The following PKHD1L1 variants were observed in gnomAD, a reference collection of about 807,000 sequenced individuals.
PKHD1L1 encodes the protein PKHD1 like 1.
A neutral mutation model predicts 462.9 loss-of-function variants in PKHD1L1; 434 were observed. The observed-to-expected ratio is 0.94, with a 90% CI of 0.87 to 1.02. The LOEUF (loss-of-function observed/expected upper bound fraction) is 1.02. Ranked by LOEUF, PKHD1L1 falls within the 50% of genes least tolerant of loss-of-function variation. The pLI is 0.00. For synonymous variants in PKHD1L1, 1,781 were observed against 1,750.0 expected (o/e 1.02, Z -0.44); for missense variants, 5,202 against 5,096.1 (o/e 1.02, Z -0.63).
In PKHD1L1 at chr8:109,507,730, A is replaced by G; in HGVS notation, c.11062A>G (p.Ile3688Val). The change falls in exon 69 of 78, where the codon ATA (isoleucine) becomes GTA (valine). Residue 3688 changes from isoleucine (I) to valine (V), a missense_variant. Coordinates refer to ENST00000378402, the MANE Select transcript of PKHD1L1 (RefSeq NM_177531.6). ...CAAGAGGAAATCTTTTCTTAGAGAC[A>G]TAGATGGCTCCTTTCTGGGGAATGC... is the stretch of plus-strand genomic sequence containing the variant. ...DAKRKSFLRD[I>V]DGSFLGNAGS... The G allele has an allele frequency of 3.7e-6, 6 of 1,613,542 alleles. No homozygotes were observed. Among genetic ancestry groups the G allele is most frequent in the Middle Eastern group, 1.7e-4 (1 of 6,056 alleles).
intron 3 of PKHD1L1, among the ~76,000 whole-genome samples, chr8:109,382,261 T>C (rs1812162406): frequency 6.6e-6 from 1 of 152,182 alleles, no homozygotes; most frequent in Admixed American, 6.6e-5. Flanking sequence ...CTGAAGTTCA[T>C]GAGGTTAGAG....
In PKHD1L1 at chr8:109,409,998, C is replaced by T. The variant is rs763948312; in HGVS notation, c.2085+20C>T. ...AATCTGGTATGAAATATTTAATGAACTGTGAAACTGACCTAATAAGAATTT... is the reference window on the plus strand; with the variant it reads ...AATCTGGTATGAAATATTTAATGAATTGTGAAACTGACCTAATAAGAATTT... On this transcript the variant is annotated intron_variant, in intron 19 of 77. Transcript: ENST00000378402. 9 of 1,261,856 alleles carry T rather than the reference C, an allele frequency of 7.1e-6. No individual in the cohort carries two copies. Among genetic ancestry groups the T allele is most frequent in the Non-Finnish European group, 1.0e-5 (9 of 898,248 alleles). The allele number at this position is 1,261,856 out of a possible 1,614,324, so 78.2% of individuals were successfully genotyped here. A position where few individuals can be genotyped will look rare whatever the true frequency, so the allele number is the denominator to read the frequency against.
chr8:109,479,955 G>A (rs1818188575), intron 54 of PKHD1L1, 36 bp from the exon 55 acceptor site: 4 of 1,509,246 alleles, frequency 2.7e-6, no homozygotes, highest in East Asian at 4.9e-5. Flanking sequence ...TGTAGTTTAT[G>A]GATTATGTTA....
chr8:109,477,483 T>A, intron 53 of PKHD1L1, 87 bp downstream of exon 53: 1 of 1,241,542 alleles, frequency 8.1e-7, no homozygotes, highest in Non-Finnish European at 1.1e-6. Flanking sequence ...ATAATAATGC[T>A]TTACTCTTGC....
rs1354821582 is a variant in PKHD1L1 at position 109,441,996 on chromosome 8, C to T, written c.4205-11C>T. On this transcript the variant is annotated splice_polypyrimidine_tract_variant and intron_variant, in intron 34 of 77. Coordinates refer to ENST00000378402, the MANE Select transcript of PKHD1L1 (RefSeq NM_177531.6). ...TTTTCTTTTAAAATATTACTCAATT[C>T]TTGCCCCCAGTACATGGATTAGGTT... 2 of 1,550,076 alleles carry T rather than the reference C, an allele frequency of 1.3e-6. No homozygotes were observed. Among genetic ancestry groups the T allele is most frequent in the African/African-American group, 1.4e-5 (1 of 71,852 alleles).
Position 109,456,250 on chromosome 8 carries a change from T to A in PKHD1L1, c.6875-12T>A. 1 of 1,608,704 alleles carries A rather than the reference T, an allele frequency of 6.2e-7. No homozygotes were observed. The highest frequency in any genetic ancestry group is 2.2e-5 in the East Asian group (1 of 44,790). ...CATGTAAGGAAATACTCAGTGTGTA[T>A]GTTGGTTCTAGGTGTGCCTGTTCCT... On this transcript the variant is annotated splice_polypyrimidine_tract_variant and intron_variant, in intron 45 of 77. Transcript: ENST00000378402.
At position 109,404,537 on chromosome 8, in the gene PKHD1L1, G is replaced by C. The variant is rs756334333; in HGVS notation, c.1374-17G>C. Reference sequence around the variant, plus strand: ...TTCTGGAAAAAAGTTATATTCATTAGTTACTCTATTTTCCAGATACTATAT... The same window carrying C: ...TTCTGGAAAAAAGTTATATTCATTACTTACTCTATTTTCCAGATACTATAT... On this transcript the variant is annotated splice_polypyrimidine_tract_variant and intron_variant, in intron 14 of 77. Transcript: ENST00000378402. The C allele has an allele frequency of 3.4e-6, 5 of 1,456,994 alleles. No homozygotes were observed. In the Admixed American group the frequency reaches 1.1e-4, roughly 32 times the overall value. 90.3% of individuals were successfully genotyped at this position (1,456,994 alleles called of 1,614,324 possible). A position where few individuals can be genotyped will look rare whatever the true frequency, so the allele number is the denominator to read the frequency against.
At chr8:109,505,297 A>G (rs1285186979) in intron 68 of PKHD1L1, among the ~76,000 whole-genome samples, 1 of 152,036 alleles carries the variant, frequency 6.6e-6, no homozygotes, top group Non-Finnish European at 1.5e-5. Flanking sequence ...AAAATATCCT[A>G]TCACAGGTAC....
At chr8:109,457,116 G>C (rs1460307005) in intron 46 of PKHD1L1, among the ~76,000 whole-genome samples, 1 of 152,088 alleles carries the variant, frequency 6.6e-6, no homozygotes. Context: ...ATAGATAATA[G>C]TAAAATTGAA....
At chr8:109,482,520 T>C (rs1818323126) in intron 56 of PKHD1L1, among the ~76,000 whole-genome samples, 1 of 151,782 alleles carries the variant, frequency 6.6e-6, no homozygotes, top group South Asian at 2.1e-4. Flanking sequence ...TTTGTGGTGA[T>C]AGTATTGTTC....
At chr8:109,388,969 T>C in intron 7 of PKHD1L1, 110 bp from the exon 8 acceptor site, 1 of 732,392 alleles carries the variant, frequency 1.4e-6, no homozygotes, top group South Asian at 2.2e-5. Flanking sequence ...GTAGCAACAA[T>C]TTCTGTCCTG....
At position 109,464,312 on chromosome 8, in the gene PKHD1L1, G is replaced by A. The variant is rs752157431; in HGVS notation, c.7480G>A (p.Ala2494Thr). 1.2e-6 allele frequency: 2 copies of A among 1,613,128 alleles called. No individual in the cohort carries two copies. The highest frequency in any genetic ancestry group is 2.2e-5 in the East Asian group (1 of 44,842). ...LQFKSYVRGC[A>T]IHQAYNRAVT... ...GTTTAAATCTTATGTAAGAGGCTGT[G>A]CAATTCACCAGGCCTATAACAGAGC... Residue 2494 changes from alanine (A) to threonine (T), a missense_variant, in exon 49 of 78, where the codon GCA (alanine) becomes ACA (threonine). Transcript: ENST00000378402.
intron 50 of PKHD1L1, chr8:109,470,426 A>G: frequency 1.3e-6 from 2 of 1,598,350 alleles, no homozygotes; most frequent in Non-Finnish European, 1.7e-6. Flanking sequence ...ACTGATAAGA[A>G]AGGCAAATCA....
In PKHD1L1 at chr8:109,404,666, G is replaced by A. The variant is rs1000274995; in HGVS notation, c.1486G>A (p.Glu496Lys). Reference protein sequence around the residue: ...TEQQTGDAVNEEQVIKSQSTI... With the variant: ...TEQQTGDAVNKEQVIKSQSTI... ...ACAACAAACAGGAGATGCAGTGAAT[G>A]AAGAACAAGTTATCAAATCCCAGTC... The change falls in exon 15 of 78, where the codon GAA (glutamate) becomes AAA (lysine). Residue 496 changes from glutamate to lysine, a missense_variant. Physicochemically the swap from Glu to Lys is moderately conservative, Grantham distance 56 (BLOSUM62 1). This residue lies in a region of PKHD1L1 where 4,497 missense variants were observed against 4,336.8 expected (regional missense o/e 1.04). Coordinates refer to ENST00000378402, the MANE Select transcript of PKHD1L1 (RefSeq NM_177531.6). 1 of 1,608,352 alleles carries A rather than the reference G, an allele frequency of 6.2e-7. No homozygotes were observed. Among genetic ancestry groups the A allele is most frequent in the Non-Finnish European group, 8.5e-7 (1 of 1,177,046 alleles).
chr8:109,503,502 A>G (rs1819541285), intron 67 of PKHD1L1, among the ~76,000 whole-genome samples: 1 of 152,146 alleles, frequency 6.6e-6, no homozygotes, highest in African/African-American at 2.4e-5. Context: ...TTCTTAGGAG[A>G]AAATATAATT....
intron 67 of PKHD1L1, among the ~76,000 whole-genome samples, chr8:109,502,374 C>G (rs1369763466): frequency 6.6e-6 from 1 of 152,050 alleles, no homozygotes; most frequent in Admixed American, 6.6e-5. Context: ...CTGTTGAGGT[C>G]CCTGATGATT....
intron 50 of PKHD1L1, among the ~76,000 whole-genome samples, chr8:109,474,092 A>G (rs1817862405): frequency 6.6e-6 from 1 of 152,108 alleles, no homozygotes; most frequent in Non-Finnish European, 1.5e-5. Context: ...TGGTAGTGAA[A>G]GTTTTTGGTG....
At chr8:109,494,296 G>A (rs1818980926) in intron 63 of PKHD1L1, among the ~76,000 whole-genome samples, 1 of 151,812 alleles carries the variant, frequency 6.6e-6, no homozygotes, top group Non-Finnish European at 1.5e-5. Context: ...CTGGTTGAAG[G>A]ACAAAACAAT....
At chr8:109,402,454 C>G (rs1813319582) in intron 14 of PKHD1L1, among the ~76,000 whole-genome samples, 1 of 152,120 alleles carries the variant, frequency 6.6e-6, no homozygotes, top group Admixed American at 6.6e-5. Flanking sequence ...TTTGGGGCAT[C>G]CCATTGCACA....
Sources: allele counts gnomAD v4.1 joint callset (sites outside exome capture counted in the v4.1 genomes callset), GRCh38; gene constraint gnomAD v4.1.1; regional missense constraint gnomAD v4.1.1; transcripts MANE v1.5; gene names NCBI Gene and HGNC (gene_info 2026-07-23, HGNC 2026-07-21).